The following SNTG1 variants were observed in gnomAD, a reference collection of about 807,000 sequenced individuals.
SNTG1 encodes the protein gamma-1-syntrophin.
SNTG1 carries 39 observed loss-of-function variants against 74.7 expected under a neutral mutation model. The ratio of observed to expected loss-of-function variants is 0.52; its 90% CI spans 0.40 to 0.68. SNTG1 has a LOEUF of 0.68. Among genes scored for constraint, SNTG1 ranks in the 30% least tolerant of loss-of-function variants. The pLI is 0.00. For synonymous variants in SNTG1, 254 were observed against 217.1 expected (o/e 1.17, Z -1.49); for missense variants, 685 against 609.5 (o/e 1.12, Z -1.30).
intron 1 of SNTG1, among the ~76,000 whole-genome samples, chr8:50,153,321 G>A (rs942927398): frequency 1.3e-5 from 2 of 152,040 alleles, no homozygotes; most frequent in Admixed American, 1.3e-4. Flanking sequence ...CTTTTTTCAA[G>A]GTTTTTAGCT....
At chr8:50,594,349 T>A (rs1412826598) in intron 13 of SNTG1, among the ~76,000 whole-genome samples, 1 of 152,192 alleles carries the variant, frequency 6.6e-6, no homozygotes, top group Non-Finnish European at 1.5e-5. Context: ...TTTCAATAAG[T>A]TTCTTCTATA....
At chr8:50,458,647 C>T (rs537358438) in intron 8 of SNTG1, among the ~76,000 whole-genome samples, 3 of 152,180 alleles carry the variant, frequency 2.0e-5, no homozygotes, top group African/African-American at 7.2e-5. Context: ...AAGCATTTTA[C>T]ATGTCTACAC....
chr8:50,144,637 G>A (rs1339464531), intron 1 of SNTG1, among the ~76,000 whole-genome samples: 1 of 152,158 alleles, frequency 6.6e-6, no homozygotes, highest in Non-Finnish European at 1.5e-5. Flanking sequence ...TTCAGGAATG[G>A]GGATGGAGTG....
intron 1 of SNTG1, among the ~76,000 whole-genome samples, chr8:50,142,299 G>A (rs1182648044): frequency 6.6e-6 from 1 of 151,996 alleles, no homozygotes; most frequent in Admixed American, 6.6e-5. Flanking sequence ...CTACAGTTAA[G>A]ATGAAGGATA....
chr8:50,227,694 T>G (rs895185963), intron 2 of SNTG1, among the ~76,000 whole-genome samples: 5 of 151,520 alleles, frequency 3.3e-5, no homozygotes. Flanking sequence ...AAGACACAGA[T>G]TTTCCCTGAA....
chr8:49,920,161 G>A (rs1253945088), intron 1 of SNTG1, among the ~76,000 whole-genome samples: 2 of 151,986 alleles, frequency 1.3e-5, no homozygotes, highest in East Asian at 1.9e-4. Context: ...TCTCCTTGAA[G>A]TTGGAACTAG....
At chr8:50,549,096 G>T (rs565378653) in intron 11 of SNTG1, among the ~76,000 whole-genome samples, 1 of 152,262 alleles carries the variant, frequency 6.6e-6, no homozygotes, top group Admixed American at 6.5e-5. Flanking sequence ...GGAATGACAA[G>T]TTATGTGGTT....
Position 50,332,456 on chromosome 8 carries a change from A to T in SNTG1, c.-27-61756A>T, listed in dbSNP as rs6994424. On this transcript the variant is annotated intron_variant, in intron 2 of 18. Coordinates refer to ENST00000642720, the MANE Select transcript of SNTG1 (RefSeq NM_018967.5). ...TTACTTAAGCCTTGTTTTTTTTTTT[A>T]AAATGTGTTTTATAATTAATACTAA... Among the ~76,000 whole-genome samples, 871 of 132,454 alleles carry T rather than the reference A, an allele frequency of 6.6e-3. 3 individuals are homozygous for T. Among genetic ancestry groups the T allele is most frequent in the African/African-American group, 0.015 (525 of 35,586 alleles). The allele number at this position is 132,454 out of a possible 152,430, so 86.9% of individuals were successfully genotyped here. A position where few individuals can be genotyped will look rare whatever the true frequency, so the allele number is the denominator to read the frequency against.
intron 8 of SNTG1, among the ~76,000 whole-genome samples, chr8:50,455,991 A>G (rs567884353): frequency 7.0e-4 from 107 of 152,336 alleles, no homozygotes; most frequent in African/African-American, 2.3e-3. Context: ...TTTAACTTTG[A>G]ATATTTCTCA....
At chr8:50,539,426 G>A (rs901564106) in intron 11 of SNTG1, among the ~76,000 whole-genome samples, 64 of 152,098 alleles carry the variant, frequency 4.2e-4, no homozygotes, top group Non-Finnish European at 1.2e-4. Flanking sequence ...GATGGAGAGG[G>A]CTATTCATAT....
intron 4 of SNTG1, among the ~76,000 whole-genome samples, chr8:50,436,649 C>T (rs1220045486): frequency 6.6e-6 from 1 of 152,116 alleles, no homozygotes; most frequent in Non-Finnish European, 1.5e-5. Flanking sequence ...GCATCATTGG[C>T]ACATTGTCTA....
intron 8 of SNTG1, among the ~76,000 whole-genome samples, chr8:50,495,649 G>A (rs950316411): frequency 1.3e-5 from 2 of 152,116 alleles, no homozygotes; most frequent in Middle Eastern, 3.2e-3. Flanking sequence ...AACAGTAACA[G>A]CTCTTGTGAA....
chr8:50,769,585 C>T (rs1221440424), intron 18 of SNTG1, among the ~76,000 whole-genome samples: 1 of 151,970 alleles, frequency 6.6e-6, no homozygotes, highest in Non-Finnish European at 1.5e-5. Context: ...TATCCTGAAG[C>T]TATACATATG....
intron 1 of SNTG1, among the ~76,000 whole-genome samples, chr8:50,108,681 T>C (rs1586310497): frequency 6.6e-6 from 1 of 152,352 alleles, no homozygotes; most frequent in Middle Eastern, 3.4e-3. Context: ...TTATATGCTT[T>C]TGTTCCATTT....
intron 9 of SNTG1, among the ~76,000 whole-genome samples, chr8:50,513,711 A>G (rs2094106598): frequency 6.6e-6 from 1 of 152,232 alleles, no homozygotes; most frequent in Admixed American, 6.5e-5. Context: ...AGACCCTCCA[A>G]GCCATGCGCA....
At chr8:50,615,827 C>T (rs1170049222) in intron 13 of SNTG1, among the ~76,000 whole-genome samples, 1 of 152,226 alleles carries the variant, frequency 6.6e-6, no homozygotes, top group Non-Finnish European at 1.5e-5. Flanking sequence ...TGCAAAGATA[C>T]AGGAAAGAGG....
intron 1 of SNTG1, among the ~76,000 whole-genome samples, chr8:49,982,997 C>A (rs1410851114): frequency 6.6e-6 from 1 of 152,162 alleles, no homozygotes; most frequent in African/African-American, 2.4e-5. Context: ...TTTTCAAAGG[C>A]TACAGTGCTT....
chr8:50,066,721 A>T (rs536237193), intron 1 of SNTG1, among the ~76,000 whole-genome samples: 1 of 152,218 alleles, frequency 6.6e-6, no homozygotes, highest in Non-Finnish European at 1.5e-5. Context: ...TCAGTGTTTA[A>T]AATAATACAG....
intron 1 of SNTG1, among the ~76,000 whole-genome samples, chr8:49,965,074 C>T (rs1811023456): frequency 6.6e-6 from 1 of 151,984 alleles, no homozygotes; most frequent in African/African-American, 2.4e-5. Flanking sequence ...GAAATGATAC[C>T]ACTGTTTCAT....
Sources: gnomAD v4.1 joint callset for allele counts (sites outside exome capture counted in the v4.1 genomes callset) on GRCh38, gnomAD v4.1.1 for gene constraint, MANE v1.5 for transcripts, NCBI Gene and HGNC (gene_info 2026-07-23, HGNC 2026-07-21) for gene names.